GPATCH8: variants seen among roughly 807,000 people sequenced by gnomAD.
GPATCH8 encodes G patch domain-containing protein 8.
In GPATCH8, 18 loss-of-function variants were observed where a neutral mutation model predicts 118.3. The ratio of observed to expected loss-of-function variants is 0.15; its 90% CI spans 0.11 to 0.23. The LOEUF (loss-of-function observed/expected upper bound fraction) is 0.23. GPATCH8 is among the 10% of genes least tolerant of loss of function. The probability of loss-of-function intolerance (pLI) is 1.00; values close to 1 mark genes in which losing one functional copy is unlikely to be tolerated. For missense variants in GPATCH8, 1,631 were observed against 1,873.8 expected (o/e 0.87, Z 2.39); for synonymous variants, 659 against 684.7 (o/e 0.96, Z 0.59).
chr17:44,479,607 T>C (rs559493497), intron 1 of GPATCH8, among the ~76,000 whole-genome samples: 1 of 151,986 alleles, frequency 6.6e-6, no homozygotes, highest in East Asian at 1.9e-4. Context: ...AAGAGAAAAA[T>C]CTTTGTGACC....
intron 4 of GPATCH8, among the ~76,000 whole-genome samples, chr17:44,435,728 T>C (rs2050486014): frequency 7.0e-6 from 1 of 142,200 alleles, no homozygotes; most frequent in Non-Finnish European, 1.5e-5. Flanking sequence ...CTCCTAATTC[T>C]TTGAAAATTG....
chr17:44,486,912 G>A (rs1335195989), intron 1 of GPATCH8: 1 of 151,992 alleles, frequency 6.6e-6, no homozygotes, highest in African/African-American at 2.4e-5. Flanking sequence ...GCAGTTTTAG[G>A]TTTATCGCAA....
At chr17:44,497,270 C>T (rs1969725146) in intron 1 of GPATCH8, among the ~76,000 whole-genome samples, 1 of 152,190 alleles carries the variant, frequency 6.6e-6, no homozygotes, top group Admixed American at 6.5e-5. Flanking sequence ...ATTAAGATCT[C>T]ATGAACTTCT....
chr17:44,406,251 T>C (rs1366368951), intron 6 of GPATCH8, among the ~76,000 whole-genome samples, 200 bp from the exon 7 acceptor site: 1 of 152,176 alleles, frequency 6.6e-6, no homozygotes, highest in Non-Finnish European at 1.5e-5. Context: ...GCATTTCTAA[T>C]TAGGACAGCA....
chr17:44,467,778 A>C (rs1368537988), intron 2 of GPATCH8, among the ~76,000 whole-genome samples: 1 of 152,188 alleles, frequency 6.6e-6, no homozygotes, highest in Non-Finnish European at 1.5e-5. Flanking sequence ...GGTTTTATAA[A>C]CACTCGTCAA....
Position 44,399,414 on chromosome 17 carries a change from C to A in GPATCH8, c.2663G>T (p.Ser888Ile). ...SDQSCYSRQR[S>I]YSDDSYSDYS... Reference sequence around the variant, plus strand: ...GTCACTGTAGCTGTCATCAGAGTAACTGCGCTGTCTACTATAGCAGCTCTG... The same window carrying A: ...GTCACTGTAGCTGTCATCAGAGTAAATGCGCTGTCTACTATAGCAGCTCTG... Residue 888 changes from serine to isoleucine, a missense_variant, in exon 8 of 8, where the codon AGT becomes ATT. By Grantham distance (142) the Ser-to-Ile change is moderately radical. Around this residue, in one of 8 missense-constraint regions of GPATCH8, gnomAD observed 922 missense variants for 879.7 expected, o/e 1.05. Coordinates refer to ENST00000591680, the MANE Select transcript of GPATCH8 (RefSeq NM_001002909.4). 1.2e-6 allele frequency: 2 copies of A among 1,614,144 alleles called. No individual in the cohort carries two copies. Among genetic ancestry groups the A allele is most frequent in the Non-Finnish European group, 1.7e-6 (2 of 1,179,972 alleles).
At chr17:44,443,691 A>G (rs1462966016) in intron 3 of GPATCH8, among the ~76,000 whole-genome samples, 1 of 152,128 alleles carries the variant, frequency 6.6e-6, no homozygotes, top group African/African-American at 2.4e-5. Context: ...TATTTTTTAA[A>G]ACAGGGTCTC....
chr17:44,476,617 A>T (rs1967805669), intron 1 of GPATCH8, among the ~76,000 whole-genome samples: 1 of 152,238 alleles, frequency 6.6e-6, no homozygotes, highest in African/African-American at 2.4e-5. Context: ...ATCTGGTAAC[A>T]TTATTTTAAA....
chr17:44,428,812 A>C (rs2050185193), intron 5 of GPATCH8, among the ~76,000 whole-genome samples: 1 of 151,932 alleles, frequency 6.6e-6, no homozygotes, highest in African/African-American at 2.4e-5. Context: ...TGACAGAGTG[A>C]GACCCTATCT....
intron 4 of GPATCH8, among the ~76,000 whole-genome samples, chr17:44,435,484 G>A (rs2050472932): frequency 2.4e-5 from 3 of 126,808 alleles, no homozygotes; most frequent in Non-Finnish European, 3.1e-5. Flanking sequence ...CATGATCTCC[G>A]CTCACTGCAA....
At chr17:44,414,703 T>C (rs2049610940) in intron 6 of GPATCH8, among the ~76,000 whole-genome samples, 1 of 152,180 alleles carries the variant, frequency 6.6e-6, no homozygotes, top group Non-Finnish European at 1.5e-5. Context: ...TTTTCATTAC[T>C]CCCAAAAGAA....
At position 44,396,366 on chromosome 17, in the gene GPATCH8, G is replaced by A. The variant is rs1403507416; in HGVS notation, c.*1202C>T. ...GTACATGAGGGAGACTGTTAAAGAT[G>A]AGCATCCCTCAGAAGCCCCCAGCTG... On this transcript the variant is annotated 3_prime_UTR_variant, in exon 8 of 8. Transcript: ENST00000591680. 3 of 454,376 alleles carry A rather than the reference G, an allele frequency of 6.6e-6. No individual in the cohort carries two copies. Among genetic ancestry groups the A allele is most frequent in the African/African-American group, 6.0e-5 (3 of 49,966 alleles). The allele number at this position is 454,376 out of a possible 1,614,324, so 28.1% of individuals were successfully genotyped here.
rs779382166 is a variant in GPATCH8, at chr17:44,399,638, G to C, written c.2439C>G (p.Pro813=). Residue 813 remains proline, a synonymous_variant, in exon 8 of 8, where the codon CCC becomes CCG. Coordinates refer to ENST00000591680, the MANE Select transcript of GPATCH8 (RefSeq NM_001002909.4). ...RSSRSSHRSQ[P]SSGDEDSDDA... is the part of the protein sequence containing the mutation. ...CATCACTATCCTCATCTCCACTACT[G>C]GGTTGGCTCCGATGGCTAGACCGGC... 1 of 1,614,174 alleles carries C rather than the reference G, an allele frequency of 6.2e-7. No individual in the cohort carries two copies. The highest frequency in any genetic ancestry group is 8.5e-7 in the Non-Finnish European group (1 of 1,180,010).
chr17:44,482,893 A>G lies in GPATCH8; in HGVS notation c.46-7990T>C, dbSNP rs1050467725. Among the ~76,000 whole-genome samples the G allele has an allele frequency of 1.4e-4, 21 of 150,482 alleles. 1 individual carries two copies. The highest frequency in any genetic ancestry group is 1.1e-3 in the Admixed American group (17 of 15,038). ...GTGTCTAGGCCGGGCGCGGTGGCTC[A>G]CGCCTGTAATCCCAGCACTTTGGGA... On this transcript the variant is annotated intron_variant, in intron 1 of 7. Coordinates refer to ENST00000591680, the MANE Select transcript of GPATCH8 (RefSeq NM_001002909.4).
At chr17:44,489,202 GTGCATAATGCTTAGTATATGGATA>G (rs1171795049) in intron 1 of GPATCH8, among the ~76,000 whole-genome samples, 1 of 152,118 alleles carries the variant, frequency 6.6e-6, no homozygotes, top group Non-Finnish European at 1.5e-5. Context: ...AAAGTTAAGA[GTGCATAATGCTTAGTATATGGATA>G]ATATACTAAG....
intron 6 of GPATCH8, among the ~76,000 whole-genome samples, chr17:44,411,071 G>C (rs1017685228): frequency 1.3e-5 from 2 of 152,196 alleles, no homozygotes; most frequent in Non-Finnish European, 2.9e-5. Context: ...TTATAAATGT[G>C]CAGAAAAGGT....
intron 5 of GPATCH8, among the ~76,000 whole-genome samples, chr17:44,428,211 G>C (rs1224515994): frequency 6.6e-6 from 1 of 152,124 alleles, no homozygotes; most frequent in East Asian, 1.9e-4. Flanking sequence ...AGTACTCGTA[G>C]GCTGGGTGCG....
chr17:44,398,169 G>C lies in GPATCH8; in HGVS notation c.3908C>G (p.Ala1303Gly). 6.2e-7 allele frequency: 1 copy of C among 1,613,470 alleles called. No individual in the cohort carries two copies. ...STDGAEDASL[A>G]PLESQPITFT... is the part of the protein sequence containing the mutation. Reference sequence around the variant, plus strand: ...GGTGATGGGCTGGCTTTCCAGGGGGGCCAGTGAAGCATCCTCAGCCCCATC... The same window carrying C: ...GGTGATGGGCTGGCTTTCCAGGGGGCCCAGTGAAGCATCCTCAGCCCCATC... The change falls in exon 8 of 8, where the codon GCC (alanine) becomes GGC (glycine). Residue 1303 changes from alanine (A) to glycine (G), a missense_variant. Transcript: ENST00000591680.
At chr17:44,493,726 ATT>A (rs1206243482) in intron 1 of GPATCH8, among the ~76,000 whole-genome samples, 1 of 152,192 alleles carries the variant, frequency 6.6e-6, no homozygotes, top group East Asian at 1.9e-4. Flanking sequence ...CGTCTCTTTT[ATT>A]TAAAAAGGAA....
Sources: gnomAD v4.1 joint callset for allele counts (sites outside exome capture counted in the v4.1 genomes callset) on GRCh38, gnomAD v4.1.1 for gene constraint, gnomAD v4.1.1 regional missense constraint, MANE v1.5 for transcripts, NCBI Gene and HGNC (gene_info 2026-07-23, HGNC 2026-07-21) for gene names.